Variants in IMMT observed in about 807,000 individuals in gnomAD.
IMMT encodes the protein inner membrane mitochondrial protein, also known as MICOS complex subunit MIC60.
IMMT carries 40 observed loss-of-function variants against 92.7 expected under a neutral mutation model. That is an observed-to-expected ratio of 0.43 (90% CI 0.34 to 0.56). The LOEUF (loss-of-function observed/expected upper bound fraction) is 0.56, where lower values mean the gene tolerates loss of function less well. IMMT is among the 20% of genes least tolerant of loss of function. IMMT has a pLI of 0.03. For synonymous variants in IMMT, 322 were observed against 336.1 expected, an observed-to-expected ratio of 0.96 and a Z score of 0.46; for missense variants, 831 against 912.1, an observed-to-expected ratio of 0.91 and a Z score of 1.14.
At chr2:86,177,899 G>C (rs952386134) in intron 3 of IMMT, among the ~76,000 whole-genome samples, 1 of 152,166 alleles carries the variant, frequency 6.6e-6, no homozygotes, top group Admixed American at 6.5e-5. Context: ...CTCTACCCAA[G>C]TATCTCCTCC....
chr2:86,144,773 G>A lies in IMMT; in HGVS notation c.1772C>T (p.Pro591Leu), dbSNP rs370626609. 6.8e-6 allele frequency: 11 copies of A among 1,613,410 alleles called. No individual in the cohort carries two copies. The highest frequency in any genetic ancestry group is 6.7e-5 in the East Asian group (3 of 44,896). The change falls in exon 15 of 15, where the codon CCG becomes CTG. Residue 591 changes from proline to leucine, a missense_variant. Physicochemically the swap from Pro to Leu is moderately conservative, Grantham distance 98. Coordinates refer to ENST00000410111, the MANE Select transcript of IMMT (RefSeq NM_006839.3). ...KTSSAETPTI[P>L]LGSAVEAIKA... ...GATGGCCTCAACTGCACTACCCAGC[G>A]GGATAGTAGGTGTTTCTGCAGATGA... is the stretch of plus-strand genomic sequence containing the variant.
chr2:86,144,670 C>T lies in IMMT; in HGVS notation c.1875G>A (p.Val625=). 3 of 1,613,982 alleles carry T rather than the reference C, an allele frequency of 1.9e-6. No homozygotes were observed. The highest frequency in any genetic ancestry group is 2.5e-6 in the Non-Finnish European group (3 of 1,179,890). The change falls in exon 15 of 15, where the codon GTG becomes GTA. Residue 625 remains valine, a synonymous_variant. Coordinates refer to ENST00000410111, the MANE Select transcript of IMMT (RefSeq NM_006839.3). ...GGGCTCTAAGGGTCTCTTCACTGTA[C>T]ACCCCACGGGTCAGGGACTCTGGAG... is the stretch of plus-strand genomic sequence containing the variant. ...AIPPESLTRG[V]YSEETLRARF...
At chr2:86,175,491 ATATT>A (rs1677376137) in intron 3 of IMMT, among the ~76,000 whole-genome samples, 1 of 152,178 alleles carries the variant, frequency 6.6e-6, no homozygotes, top group African/African-American at 2.4e-5. Flanking sequence ...ACATACATAT[ATATT>A]TGAGAGAAAT....
At chr2:86,176,109 A>AG (rs1272148458) in intron 3 of IMMT, among the ~76,000 whole-genome samples, 1 of 152,230 alleles carries the variant, frequency 6.6e-6, no homozygotes, top group African/African-American at 2.4e-5. Flanking sequence ...AAGGGTATTG[A>AG]ATGTCAACTT....
intron 1 of IMMT, among the ~76,000 whole-genome samples, chr2:86,181,645 T>C (rs2303338): frequency 0.28 from 42,214 of 152,018 alleles, 7,097 homozygotes; most frequent in East Asian, 0.5. Context: ...GTCTTAAGTA[T>C]GTTAATTATT....
chr2:86,153,631 T>C, intron 10 of IMMT, 57 bp from the exon 11 acceptor site: 1 of 1,144,296 alleles, frequency 8.7e-7, no homozygotes, highest in Non-Finnish European at 1.2e-6. Context: ...CTTTAGTTAT[T>C]GATCATTAAA....
chr2:86,194,697 GGA>G (rs1673405891), intron 1 of IMMT, among the ~76,000 whole-genome samples: 1 of 152,180 alleles, frequency 6.6e-6, no homozygotes, highest in African/African-American at 2.4e-5. Context: ...CCCAGCGCCT[GGA>G]GACACAGATC....
chr2:86,162,295 G>C (rs1224434492), intron 7 of IMMT, among the ~76,000 whole-genome samples: 1 of 150,740 alleles, frequency 6.6e-6, no homozygotes, highest in East Asian at 1.9e-4. Flanking sequence ...TGGGATTACA[G>C]GCATGAGCCA....
intron 1 of IMMT, among the ~76,000 whole-genome samples, chr2:86,192,432 A>AC (rs1404096272): frequency 6.6e-6 from 1 of 151,868 alleles, no homozygotes; most frequent in Non-Finnish European, 1.5e-5. Flanking sequence ...ACATAATGAG[A>AC]CCCCATCTCT....
At chr2:86,168,000 C>T (rs570702346) in intron 6 of IMMT, among the ~76,000 whole-genome samples, 1 of 152,098 alleles carries the variant, frequency 6.6e-6, no homozygotes, top group South Asian at 2.1e-4. Context: ...CCATTTCATC[C>T]CCTTGGCAAG....
At chr2:86,146,911 C>A (rs547600412) in intron 13 of IMMT, among the ~76,000 whole-genome samples, 5 of 152,278 alleles carry the variant, frequency 3.3e-5, no homozygotes, top group African/African-American at 1.2e-4. Flanking sequence ...CATGCATGCA[C>A]CACCATGCCC....
rs762196511 is a variant in IMMT at position 86,144,555 on chromosome 2, G to T, written c.1990C>A (p.Gln664Lys). 3.7e-6 allele frequency: 6 copies of T among 1,613,944 alleles called. No homozygotes were observed. Among genetic ancestry groups the T allele is most frequent in the Non-Finnish European group, 1.7e-6 (2 of 1,179,910 alleles). ...TGAGGTGGGAATAGGAGCAGGGACT[G>T]TAGGTAGGAGAGGAAGTACTGGTAC... ...SLYQYFLSYL[Q>K]SLLLFPPQQL... Residue 664 changes from glutamine (Q) to lysine (K), a missense_variant, in exon 15 of 15, where the codon CAG becomes AAG. Transcript: ENST00000410111.
intron 4 of IMMT, among the ~76,000 whole-genome samples, chr2:86,171,959 A>AT (rs869190735): frequency 0.055 from 2,190 of 40,100 alleles, 49 homozygotes; most frequent in African/African-American, 0.087. Context: ...TGTGTAGTAT[A>AT]TTTTTTTTTT....
chr2:86,158,974 C>T (rs1676069647), intron 9 of IMMT, among the ~76,000 whole-genome samples: 1 of 151,818 alleles, frequency 6.6e-6, no homozygotes, highest in Non-Finnish European at 1.5e-5. Flanking sequence ...AGAAGATCTG[C>T]TACAAAATGG....
At chr2:86,181,243 C>T (rs1672415225) in intron 2 of IMMT, 56 bp downstream of exon 2, 5 of 1,313,416 alleles carry the variant, frequency 3.8e-6, no homozygotes, top group Non-Finnish European at 4.4e-6. Context: ...GGAAAACACA[C>T]ACTCCCTAAG....
At chr2:86,163,180 C>T (rs1676418021) in intron 7 of IMMT, among the ~76,000 whole-genome samples, 1 of 151,916 alleles carries the variant, frequency 6.6e-6, no homozygotes, top group Admixed American at 6.6e-5. Context: ...AATAGCCAGG[C>T]GTAGTGGCTC....
intron 12 of IMMT, among the ~76,000 whole-genome samples, chr2:86,150,419 C>T (rs1266571619): frequency 1.3e-5 from 2 of 152,040 alleles, no homozygotes; most frequent in Non-Finnish European, 2.9e-5. Flanking sequence ...GAGTGGCCAG[C>T]AAGGTAAGAG....
At chr2:86,190,881 C>T (rs1673072192) in intron 1 of IMMT, among the ~76,000 whole-genome samples, 1 of 152,106 alleles carries the variant, frequency 6.6e-6, no homozygotes, top group Admixed American at 6.5e-5. Context: ...CCCAGTTACT[C>T]GAGAGACTGA....
chr2:86,186,838 G>A (rs1381005963), intron 1 of IMMT, among the ~76,000 whole-genome samples: 1 of 152,162 alleles, frequency 6.6e-6, no homozygotes, highest in Non-Finnish European at 1.5e-5. Context: ...CATAAGAACA[G>A]ATCTTTTTAA....
Sources: allele counts gnomAD v4.1 joint callset (sites outside exome capture counted in the v4.1 genomes callset), GRCh38; gene constraint gnomAD v4.1.1; transcripts MANE v1.5; gene names NCBI Gene and HGNC (gene_info 2026-07-23, HGNC 2026-07-21).